The following AGTPBP1 variants were observed in gnomAD, a reference collection of about 807,000 sequenced individuals.
AGTPBP1 encodes cytosolic carboxypeptidase 1.
In AGTPBP1, 70 loss-of-function variants were observed where a neutral mutation model predicts 143.9. That is an observed-to-expected ratio of 0.49 (90% CI 0.40 to 0.59). AGTPBP1 has a LOEUF of 0.59. Ranked by LOEUF, AGTPBP1 falls within the 20% of genes least tolerant of loss-of-function variation. The pLI is 0.00. For synonymous variants in AGTPBP1, 463 were observed against 500.2 expected, an observed-to-expected ratio of 0.93 and a Z score of 0.99; for missense variants, 1,229 against 1,464.5, an observed-to-expected ratio of 0.84 and a Z score of 2.62.
chr9:85,679,880 G>T (rs72746615), intron 4 of AGTPBP1, among the ~76,000 whole-genome samples: 44 of 151,836 alleles, frequency 2.9e-4, no homozygotes, highest in Non-Finnish European at 5.6e-4. Flanking sequence ...CTTCTTTGTT[G>T]TAAGATTATT....
At chr9:85,572,422 C>G (rs1827563892) in intron 25 of AGTPBP1, among the ~76,000 whole-genome samples, 1 of 151,622 alleles carries the variant, frequency 6.6e-6, no homozygotes. Context: ...TCTGATGAGG[C>G]CTATAAACTC....
chr9:85,598,039 G>T (rs1340301388), intron 17 of AGTPBP1, among the ~76,000 whole-genome samples: 1 of 151,992 alleles, frequency 6.6e-6, no homozygotes, highest in Non-Finnish European at 1.5e-5. Flanking sequence ...TTTTTTAAAG[G>T]ATAAATACAA....
chr9:85,678,995 A>G (rs1338748785), intron 4 of AGTPBP1, among the ~76,000 whole-genome samples: 1 of 152,180 alleles, frequency 6.6e-6, no homozygotes, highest in East Asian at 1.9e-4. Context: ...CCAGTCATCT[A>G]CCCATGAAAT....
At position 85,708,118 on chromosome 9, in the gene AGTPBP1, G is replaced by A. The variant is rs192880176; in HGVS notation, c.32+4384C>T. 6.4e-4 allele frequency among the ~76,000 whole-genome samples: 97 copies of A among 152,310 alleles called. 1 individual carries two copies. The East Asian group carries it at 0.017, about 27-fold the overall frequency. On this transcript the variant is annotated intron_variant, in intron 2 of 25. Coordinates refer to ENST00000357081, the MANE Select transcript of AGTPBP1 (RefSeq NM_001330701.2). ...AAGAAATGGTTTTTCTAGAGGCTCT[G>A]AGGGAGAATCCATTTCCTTGCCTTT...
intron 2 of AGTPBP1, among the ~76,000 whole-genome samples, chr9:85,708,783 G>A (rs1396440663): frequency 1.3e-5 from 2 of 152,144 alleles, no homozygotes; most frequent in Non-Finnish European, 2.9e-5. Context: ...TGATCTGCCA[G>A]CCTCGGCCTC....
At chr9:85,618,465 T>C (rs1021650425) in intron 17 of AGTPBP1, among the ~76,000 whole-genome samples, 3 of 151,744 alleles carry the variant, frequency 2.0e-5, no homozygotes, top group African/African-American at 7.3e-5. Flanking sequence ...AAGACAACTA[T>C]AGACCAATAT....
intron 10 of AGTPBP1, 84 bp from the exon 11 acceptor site, chr9:85,655,404 C>T: frequency 8.7e-7 from 1 of 1,145,758 alleles, no homozygotes; most frequent in Non-Finnish European, 1.2e-6. Context: ...AAGTGTCATA[C>T]ATTAATAATT....
At chr9:85,796,789 T>TG in the AGTPBP1 span, among the ~76,000 whole-genome samples, 1 of 151,950 alleles carries the variant, frequency 6.6e-6, no homozygotes, top group Non-Finnish European at 1.5e-5. Flanking sequence ...CAAAAATTAA[T>TG]ATTATTATTA....
chr9:85,649,816 T>C (rs1162997436), intron 11 of AGTPBP1, among the ~76,000 whole-genome samples: 1 of 152,202 alleles, frequency 6.6e-6, no homozygotes, highest in Non-Finnish European at 1.5e-5. Context: ...GATCTACTGA[T>C]AATATATTTT....
intron 1 of AGTPBP1, among the ~76,000 whole-genome samples, chr9:85,719,529 G>A (rs531307653): frequency 1.3e-3 from 196 of 152,344 alleles, no homozygotes; most frequent in Non-Finnish European, 2.6e-3. Context: ...AGACTTTGCT[G>A]AAGTTGCTTA....
intron 17 of AGTPBP1, among the ~76,000 whole-genome samples, chr9:85,613,555 CA>C (rs1437171416): frequency 2.0e-5 from 3 of 151,542 alleles, no homozygotes; most frequent in African/African-American, 7.3e-5. Context: ...AAGACTCCCT[CA>C]ACAAAAAATA....
rs577847979 is a variant in AGTPBP1 at position 85,715,073 on chromosome 9, T to G, written c.-33-2507A>C. 5.9e-4 allele frequency among the ~76,000 whole-genome samples: 90 copies of G among 151,640 alleles called. 2 individuals are homozygous for G. Among genetic ancestry groups the G allele is most frequent in the Non-Finnish European group, 9.0e-4 (61 of 67,842 alleles). On this transcript the variant is annotated intron_variant, in intron 1 of 25. Transcript: ENST00000357081. Reference sequence around the variant, plus strand: ...ACCAGCCTAGTAAACATGGTGAAACTCCATCTCTATCAAAAATACAAAAAT... The same window carrying G: ...ACCAGCCTAGTAAACATGGTGAAACGCCATCTCTATCAAAAATACAAAAAT...
intron 24 of AGTPBP1, among the ~76,000 whole-genome samples, chr9:85,578,412 A>G (rs1828028715): frequency 6.6e-6 from 1 of 152,180 alleles, no homozygotes; most frequent in Non-Finnish European, 1.5e-5. Context: ...GGAGTTTGAG[A>G]CCAGTCTGGG....
intron 17 of AGTPBP1, among the ~76,000 whole-genome samples, chr9:85,598,723 T>C (rs1051312822): frequency 1.1e-4 from 16 of 152,296 alleles, no homozygotes; most frequent in African/African-American, 3.9e-4. Context: ...TTATTTATTA[T>C]TATTATTTTT....
At chr9:85,590,480 C>T in intron 19 of AGTPBP1, among the ~76,000 whole-genome samples, 1 of 152,186 alleles carries the variant, frequency 6.6e-6, no homozygotes, top group African/African-American at 2.4e-5. Flanking sequence ...ATTGTTCAAT[C>T]CCCCATTTTT....
chr9:85,608,202 A>G (rs1369135456), intron 17 of AGTPBP1, among the ~76,000 whole-genome samples: 1 of 152,134 alleles, frequency 6.6e-6, no homozygotes, highest in African/African-American at 2.4e-5. Context: ...TAGAATAAAA[A>G]ATATTTAATG....
intron 1 of AGTPBP1, among the ~76,000 whole-genome samples, chr9:85,719,182 G>A (rs535857876): frequency 2.6e-5 from 4 of 152,242 alleles, no homozygotes; most frequent in African/African-American, 7.2e-5. Context: ...CTTTAGAGTA[G>A]TTTTTTCCAA....
intron 22 of AGTPBP1, among the ~76,000 whole-genome samples, chr9:85,585,984 G>A (rs1294345935): frequency 1.3e-5 from 2 of 152,268 alleles, no homozygotes; most frequent in East Asian, 1.9e-4. Context: ...AAGCCAAGGC[G>A]GGTGGATCAC....
In AGTPBP1 at chr9:85,741,921, A is replaced by AGGCGAGGCGGAG; in HGVS notation, c.-181_-180insCTCCGCCTCGCC. On this transcript the variant is annotated 5_prime_UTR_variant, in exon 1 of 26. Transcript: ENST00000357081. ...GCGAGGCGGAGGCGGCGGCGGCGGC[A>AGGCGAGGCGGAG]GCTGCGGCGGCGGCGCTGGAGGCGG... is the stretch of plus-strand genomic sequence containing the variant. The AGGCGAGGCGGAG allele has an allele frequency of 7.6e-7, 1 of 1,310,706 alleles. No homozygotes were observed. The allele number at this position is 1,310,706 out of a possible 1,614,324, so 81.2% of individuals were successfully genotyped here.
Sources: gnomAD v4.1 joint callset for allele counts (sites outside exome capture counted in the v4.1 genomes callset) on GRCh38, gnomAD v4.1.1 for gene constraint, MANE v1.5 for transcripts, NCBI Gene and HGNC (gene_info 2026-07-23, HGNC 2026-07-21) for gene names.